MED13L: variants seen among roughly 807,000 people sequenced by gnomAD.
The protein encoded by MED13L is mediator complex subunit 13L.
A neutral mutation model predicts 220.9 loss-of-function variants in MED13L; 7 were observed. The ratio of observed to expected loss-of-function variants is 0.03; its 90% CI spans 0.02 to 0.06. The LOEUF is 0.06. Ranked by LOEUF, MED13L falls within the 10% of genes least tolerant of loss-of-function variation. MED13L has a pLI of 1.00. For synonymous variants in MED13L, 1,011 were observed against 1,015.2 expected (o/e 1.00, Z 0.08); for missense variants, 1,965 against 2,760.5 (o/e 0.71, Z 6.46).
intron 4 of MED13L, among the ~76,000 whole-genome samples, chr12:116,088,752 G>A (rs1398586828): frequency 1.3e-5 from 2 of 149,276 alleles, no homozygotes; most frequent in African/African-American, 4.9e-5. Flanking sequence ...GAGGGGAGGG[G>A]AGGGGAGACC....
chr12:116,227,503 T>C (rs547059052), intron 2 of MED13L, among the ~76,000 whole-genome samples: 21 of 152,232 alleles, frequency 1.4e-4, no homozygotes, highest in Non-Finnish European at 2.8e-4. Context: ...CACATTTTGG[T>C]AATTCTTGCA....
At chr12:116,086,332 T>C (rs913256008) in intron 4 of MED13L, among the ~76,000 whole-genome samples, 6 of 150,936 alleles carry the variant, frequency 4.0e-5, no homozygotes, top group Non-Finnish European at 8.8e-5. Flanking sequence ...TGCCCAGGCT[T>C]GAATGCAACA....
chr12:116,075,203 CA>C (rs1870684799), intron 4 of MED13L, among the ~76,000 whole-genome samples: 1 of 152,192 alleles, frequency 6.6e-6, no homozygotes, highest in Non-Finnish European at 1.5e-5. Context: ...AGACTAAGTG[CA>C]AGCAACTTGG....
chr12:116,105,104 G>A (rs1026672584), intron 3 of MED13L, among the ~76,000 whole-genome samples: 9 of 152,146 alleles, frequency 5.9e-5, no homozygotes, highest in African/African-American at 2.2e-4. Flanking sequence ...TACTAAAAAT[G>A]CCAAATGAAG....
rs1369110144 is a variant in MED13L at position 116,031,694 on chromosome 12, A to AGAAAAGAAAAGAAAAG, written c.480-9109_480-9094dup. Among the ~76,000 whole-genome samples, 55 of 35,258 alleles carry AGAAAAGAAAAGAAAAG rather than the reference A, an allele frequency of 1.6e-3. 4 individuals carry two copies. The highest frequency in any genetic ancestry group is 3.1e-3 in the Non-Finnish European group (44 of 14,404). 23.1% of individuals were successfully genotyped at this position (35,258 alleles called of 152,430 possible). ...AAAAGAAAAAAGAAAAGAAAAGAAA[A>AGAAAAGAAAAGAAAAG]GAAAAGAAAAGAAAAGAAAAGAAAA... On this transcript the variant is annotated intron_variant, in intron 4 of 30. Transcript: ENST00000281928.
At chr12:116,172,659 A>T (rs1879765237) in intron 2 of MED13L, among the ~76,000 whole-genome samples, 1 of 152,192 alleles carries the variant, frequency 6.6e-6, no homozygotes, top group Admixed American at 6.6e-5. Context: ...TTTGCCACTT[A>T]AAAATGAGTG....
rs1422419318 is a variant in MED13L, at chr12:116,167,728, T to G, written c.311-56216A>C. 2.0e-5 allele frequency among the ~76,000 whole-genome samples: 3 copies of G among 152,284 alleles called. No individual in the cohort carries two copies. In the East Asian group the frequency reaches 5.8e-4, roughly 29 times the overall value. On this transcript the variant is annotated intron_variant, in intron 2 of 30. Coordinates refer to ENST00000281928, the MANE Select transcript of MED13L (RefSeq NM_015335.5). ...TGCTACTGCCATGCAGATATTCCAG[T>G]GTAGTCTTTCTTCACCTAGATTTTT...
At chr12:116,251,588 T>C (rs1324825309) in intron 1 of MED13L, among the ~76,000 whole-genome samples, 1 of 149,732 alleles carries the variant, frequency 6.7e-6, no homozygotes, top group Non-Finnish European at 1.5e-5. Context: ...TGAAACTCCG[T>C]CTCTACTAAA....
At position 116,277,331 on chromosome 12, in the gene MED13L, C is replaced by CT. The variant is rs1873958530; in HGVS notation, c.-201_-200insA. On this transcript the variant is annotated 5_prime_UTR_variant, in exon 1 of 31. Transcript: ENST00000281928. Reference sequence around the variant, plus strand: ...GCCGGGGGCAGCGGGCCCGGGCTGGCGGGGGGGGCGCGCGCCCCGGGCCGG... The same window carrying CT: ...GCCGGGGGCAGCGGGCCCGGGCTGGCTGGGGGGGGCGCGCGCCCCGGGCCGG... 0.011 allele frequency: 4 copies of CT among 350 alleles called. No homozygotes were observed. The highest frequency in any genetic ancestry group is 0.026 in the Non-Finnish European group (4 of 154). 0.0% of individuals were successfully genotyped at this position (350 alleles called of 1,614,324 possible).
intron 28 of MED13L, among the ~76,000 whole-genome samples, chr12:115,968,072 A>G (rs1876325457): frequency 1.5e-5 from 1 of 68,836 alleles, no homozygotes; most frequent in Non-Finnish European, 3.0e-5. Flanking sequence ...CCCCCCGATG[A>G]AAACTGAAGT....
chr12:116,219,185 T>C (rs1421869086), intron 2 of MED13L, among the ~76,000 whole-genome samples: 3 of 152,202 alleles, frequency 2.0e-5, no homozygotes, highest in Non-Finnish European at 2.9e-5. Flanking sequence ...TTTCTGTACA[T>C]AACTGGACTT....
intron 2 of MED13L, among the ~76,000 whole-genome samples, chr12:116,201,575 A>C (rs1039019027): frequency 3.3e-5 from 5 of 152,216 alleles, no homozygotes; most frequent in Admixed American, 3.3e-4. Context: ...CAGCATTATT[A>C]ATGCATTTAA....
chr12:116,176,810 A>T (rs1880096625), intron 2 of MED13L, among the ~76,000 whole-genome samples: 1 of 148,950 alleles, frequency 6.7e-6, no homozygotes, highest in Non-Finnish European at 1.5e-5. Context: ...AGGGGGAGGA[A>T]GGGGAGGCAA....
chr12:116,131,779 G>C (rs1876086826), intron 2 of MED13L, among the ~76,000 whole-genome samples: 2 of 152,262 alleles, frequency 1.3e-5, no homozygotes, highest in Admixed American at 6.5e-5. Context: ...AGGAGCTCAA[G>C]ACCAGCCTGG....
At chr12:116,013,145 G>A (rs1879517401) in intron 8 of MED13L, among the ~76,000 whole-genome samples, 1 of 152,148 alleles carries the variant, frequency 6.6e-6, no homozygotes, top group Non-Finnish European at 1.5e-5. Flanking sequence ...GGCTAAGGTG[G>A]GCGGATTGCT....
intron 4 of MED13L, among the ~76,000 whole-genome samples, chr12:116,078,580 T>C (rs1208496687): frequency 6.6e-6 from 1 of 152,176 alleles, no homozygotes; most frequent in Admixed American, 6.5e-5. Context: ...GCAAATTACA[T>C]CCTGCCACCC....
chr12:116,131,223 G>T (rs1385379202), intron 2 of MED13L, among the ~76,000 whole-genome samples: 2 of 151,920 alleles, frequency 1.3e-5, no homozygotes, highest in African/African-American at 4.8e-5. Flanking sequence ...GAGAAAGGAA[G>T]GATTATAAGG....
chr12:116,051,250 C>G (rs938892584), intron 4 of MED13L, among the ~76,000 whole-genome samples: 1 of 151,866 alleles, frequency 6.6e-6, no homozygotes, highest in African/African-American at 2.4e-5. Context: ...GTGGCTCACA[C>G]CGAGATCCCA....
chr12:116,091,051 G>A (rs551473592), intron 4 of MED13L, among the ~76,000 whole-genome samples: 1 of 149,992 alleles, frequency 6.7e-6, no homozygotes, highest in African/African-American at 2.5e-5. Flanking sequence ...CTTGAACCTG[G>A]AGGACATTGC....
Sources: gnomAD v4.1 joint callset for allele counts (sites outside exome capture counted in the v4.1 genomes callset) on GRCh38, gnomAD v4.1.1 for gene constraint, MANE v1.5 for transcripts, NCBI Gene and HGNC (gene_info 2026-07-23, HGNC 2026-07-21) for gene names.